Variants in KCNIP4 observed in about 807,000 individuals in gnomAD.
The protein encoded by KCNIP4 is Kv channel-interacting protein 4.
In KCNIP4, 12 loss-of-function variants were observed where a neutral mutation model predicts 34.0. The ratio of observed to expected loss-of-function variants is 0.35; its 90% CI spans 0.23 to 0.57. The LOEUF (loss-of-function observed/expected upper bound fraction) is 0.57. Among genes scored for constraint, KCNIP4 ranks in the 20% least tolerant of loss-of-function variants. The pLI is 0.83. For missense variants in KCNIP4, 238 were observed against 311.7 expected (o/e 0.76, Z 1.78); for synonymous variants, 124 against 102.2 (o/e 1.21, Z -1.29).
intron 1 of KCNIP4, among the ~76,000 whole-genome samples, chr4:21,334,671 C>A (rs1029263154): frequency 2.6e-5 from 4 of 152,046 alleles, no homozygotes; most frequent in East Asian, 1.9e-4. Flanking sequence ...ACAGTAACAG[C>A]CGTTCACACC....
intron 1 of KCNIP4, among the ~76,000 whole-genome samples, chr4:21,058,320 A>G (rs904340132): frequency 2.6e-5 from 4 of 152,152 alleles, no homozygotes; most frequent in African/African-American, 7.2e-5. Context: ...ATCATCATTT[A>G]TCTCTGCTCC....
intron 1 of KCNIP4, among the ~76,000 whole-genome samples, chr4:20,985,457 C>T (rs1297295822): frequency 6.6e-6 from 1 of 152,064 alleles, no homozygotes; most frequent in African/African-American, 2.4e-5. Flanking sequence ...TAAGTTAATT[C>T]TAATCATTTT....
chr4:21,604,659 T>C (rs934934964), intron 1 of KCNIP4, among the ~76,000 whole-genome samples: 2 of 152,206 alleles, frequency 1.3e-5, no homozygotes, highest in African/African-American at 4.8e-5. Context: ...AGATTGTCTA[T>C]ATTTAAGATA....
chr4:21,196,552 C>T (rs539812864), intron 1 of KCNIP4, among the ~76,000 whole-genome samples: 1 of 152,202 alleles, frequency 6.6e-6, no homozygotes, highest in African/African-American at 2.4e-5. Flanking sequence ...GCAAGACTGG[C>T]TTCATGGGTG....
At chr4:21,932,090 T>C (rs11729257) in intron 1 of KCNIP4, among the ~76,000 whole-genome samples, 48,003 of 151,978 alleles carry the variant, frequency 0.32, 8,415 homozygotes, top group Non-Finnish European at 0.4. Context: ...AGACAAGCTC[T>C]GTGTGGTTGA....
intron 1 of KCNIP4, among the ~76,000 whole-genome samples, chr4:21,025,543 GTTTT>G (rs772689134): frequency 2.9e-5 from 1 of 34,778 alleles, no homozygotes; most frequent in African/African-American, 1.0e-4. Flanking sequence ...CATTGATACT[GTTTT>G]TTTTTTTTTT....
rs1329202664 is a variant in KCNIP4 at position 20,882,591 on chromosome 4, C to A, written c.163+17G>T. On this transcript the variant is annotated intron_variant, in intron 2 of 8. Transcript: ENST00000382152. ...AAGAGTTTCGGAGGAAAAAAAAAAA[C>A]AAAAAAACAAACTTGCTTTGAATAG... 59 of 1,549,212 alleles carry A rather than the reference C, an allele frequency of 3.8e-5. No individual in the cohort carries two copies. Among genetic ancestry groups the A allele is most frequent in the East Asian group, 9.0e-5 (4 of 44,250 alleles).
chr4:20,731,655 A>G (rs1343869656), intron 8 of KCNIP4: 2 of 985,154 alleles, frequency 2.0e-6, no homozygotes, highest in Non-Finnish European at 2.4e-6. Flanking sequence ...CTGTGGAGAT[A>G]TGATAGATAA....
chr4:21,573,992 G>T (rs1740545777), intron 1 of KCNIP4, among the ~76,000 whole-genome samples: 1 of 152,076 alleles, frequency 6.6e-6, no homozygotes, highest in Non-Finnish European at 1.5e-5. Flanking sequence ...TTCAAAATGG[G>T]TGTCAACGGC....
chr4:20,749,055 G>T (rs1209581198), intron 5 of KCNIP4, among the ~76,000 whole-genome samples: 2 of 151,764 alleles, frequency 1.3e-5, no homozygotes, highest in Non-Finnish European at 2.9e-5. Context: ...CTACTCAGGA[G>T]GCTGAGACAG....
chr4:21,043,365 T>G (rs200747349), intron 1 of KCNIP4, among the ~76,000 whole-genome samples: 2 of 152,242 alleles, frequency 1.3e-5, no homozygotes, highest in East Asian at 3.8e-4. Flanking sequence ...AGTCTCACTC[T>G]GTCATCCAGG....
intron 3 of KCNIP4, among the ~76,000 whole-genome samples, chr4:20,771,674 CT>C (rs34800985): frequency 1.2e-3 from 169 of 145,196 alleles, no homozygotes; most frequent in Admixed American, 1.2e-3. Context: ...ATAAAACTCA[CT>C]TTTTTTTTTT....
intron 1 of KCNIP4, among the ~76,000 whole-genome samples, chr4:21,079,326 C>T (rs1054224513): frequency 1.3e-5 from 2 of 152,006 alleles, no homozygotes; most frequent in African/African-American, 2.4e-5. Flanking sequence ...AATAAATGCT[C>T]AGTAAGTATC....
chr4:21,443,838 T>C (rs899464858), intron 1 of KCNIP4, among the ~76,000 whole-genome samples: 27 of 151,900 alleles, frequency 1.8e-4, no homozygotes, highest in Admixed American at 1.3e-3. Context: ...GAGGCTGAGG[T>C]GGGAGGTTTG....
intron 1 of KCNIP4, among the ~76,000 whole-genome samples, chr4:21,899,417 G>A (rs946493438): frequency 1.3e-5 from 2 of 152,026 alleles, no homozygotes; most frequent in Non-Finnish European, 2.9e-5. Context: ...ATACAATATA[G>A]TACTAGAAGT....
chr4:21,454,996 C>G (rs1247975082), intron 1 of KCNIP4, among the ~76,000 whole-genome samples: 1 of 151,936 alleles, frequency 6.6e-6, no homozygotes, highest in African/African-American at 2.4e-5. Context: ...CTGAGAGTAC[C>G]AAGTTCTGGA....
chr4:21,826,141 G>A (rs577523867), intron 1 of KCNIP4, among the ~76,000 whole-genome samples: 2 of 152,132 alleles, frequency 1.3e-5, no homozygotes. Context: ...AGTGGGCAGA[G>A]TATGTAGCAT....
chr4:20,911,094 G>A (rs1384040674), intron 1 of KCNIP4, among the ~76,000 whole-genome samples: 1 of 152,156 alleles, frequency 6.6e-6, no homozygotes, highest in Admixed American at 6.5e-5. Context: ...TATGAGAAAA[G>A]TGAAACAAAT....
chr4:21,112,558 A>G (rs975842928), intron 1 of KCNIP4, among the ~76,000 whole-genome samples: 1 of 152,370 alleles, frequency 6.6e-6, no homozygotes, highest in East Asian at 1.9e-4. Context: ...TTTGTGTACA[A>G]TCAAGAAGTC....
Sources: allele counts gnomAD v4.1 joint callset (sites outside exome capture counted in the v4.1 genomes callset), GRCh38; gene constraint gnomAD v4.1.1; transcripts MANE v1.5; gene names NCBI Gene and HGNC (gene_info 2026-07-23, HGNC 2026-07-21).